Variants in VASH2 observed in about 807,000 individuals in gnomAD.
VASH2 encodes tubulinyl-Tyr carboxypeptidase 2.
In VASH2, 28 loss-of-function variants were observed where a neutral mutation model predicts 37.2. The observed-to-expected ratio is 0.75, with a 90% CI of 0.56 to 1.03. VASH2 has a LOEUF of 1.03. Ranked by LOEUF, VASH2 falls within the 50% of genes least tolerant of loss-of-function variation. The pLI, the probability that VASH2 is intolerant of heterozygous loss-of-function variation, is 0.00. For synonymous variants in VASH2, 188 were observed against 174.7 expected (o/e 1.08, Z -0.60); for missense variants, 419 against 459.1 (o/e 0.91, Z 0.80).
chr1:212,968,683 G>A, intron 5 of VASH2: 2 of 985,606 alleles, frequency 2.0e-6, no homozygotes, highest in Non-Finnish European at 2.4e-6. Flanking sequence ...TGGGGGTCGG[G>A]GCAGCAGATG....
chr1:212,967,435 G>A (rs1666885124), intron 5 of VASH2: 2 of 1,177,906 alleles, frequency 1.7e-6, no homozygotes, highest in African/African-American at 3.2e-5. Flanking sequence ...TGGCTGTAAG[G>A]GACAGTGGAA....
At chr1:212,981,555 A>G (rs1667339581) in intron 7 of VASH2, among the ~76,000 whole-genome samples, 1 of 152,158 alleles carries the variant, frequency 6.6e-6, no homozygotes, top group Non-Finnish European at 1.5e-5. Flanking sequence ...GGCCAAGAGC[A>G]CCCCTGGTTT....
chr1:212,973,306 T>C (rs1667067449), intron 6 of VASH2: 1 of 1,124,722 alleles, frequency 8.9e-7, no homozygotes, highest in Non-Finnish European at 1.2e-6. Context: ...ATTTTCAGTA[T>C]TAAAACCTGG....
intron 5 of VASH2, chr1:212,967,137 T>C: frequency 7.7e-7 from 1 of 1,304,542 alleles, no homozygotes; most frequent in Non-Finnish European, 1.0e-6. Context: ...AACAAGGGTC[T>C]AGCTTCTCCC....
In VASH2 at chr1:212,971,720, A is replaced by C; in HGVS notation, c.498-860A>C. ...CGTGATTAAACCGAGAGCAGAGGACAAGGCTGCCGCCAGTGCTGTGGATGG... is the reference window on the plus strand; with the variant it reads ...CGTGATTAAACCGAGAGCAGAGGACCAGGCTGCCGCCAGTGCTGTGGATGG... On this transcript the variant is annotated intron_variant, in intron 5 of 7. Coordinates refer to ENST00000517399, the MANE Select transcript of VASH2 (RefSeq NM_001301056.2). The surrounding 1 kb of genome is among the most constrained non-coding windows in gnomAD (Gnocchi z 4.0). 6.6e-6 allele frequency among the ~76,000 whole-genome samples: 1 copy of C among 152,126 alleles called. No individual in the cohort carries two copies. The highest frequency in any genetic ancestry group is 1.5e-5 in the Non-Finnish European group (1 of 68,008).
intron 7 of VASH2, among the ~76,000 whole-genome samples, chr1:212,986,726 C>T (rs903524251): frequency 7.7e-6 from 1 of 129,574 alleles, no homozygotes; most frequent in African/African-American, 2.8e-5. Flanking sequence ...AAGCCTTGAG[C>T]TCTGATACAA....
intron 7 of VASH2, among the ~76,000 whole-genome samples, chr1:212,986,402 C>T (rs1481598131): frequency 1.3e-5 from 2 of 152,180 alleles, no homozygotes; most frequent in East Asian, 3.8e-4. Context: ...AAAGATGACA[C>T]CACCTCAGGC....
chr1:212,985,596 T>A (rs1667456392), intron 7 of VASH2, among the ~76,000 whole-genome samples: 1 of 151,876 alleles, frequency 6.6e-6, no homozygotes. Context: ...TTTGTGTTTT[T>A]AGTAGAGACA....
intron 5 of VASH2, among the ~76,000 whole-genome samples, chr1:212,970,796 G>A (rs918802951): frequency 2.6e-5 from 4 of 151,872 alleles, no homozygotes; most frequent in Non-Finnish European, 5.9e-5. Flanking sequence ...AGGCTGAGGC[G>A]GGAGAATCGC....
chr1:212,956,463 G>C lies in VASH2; in HGVS notation c.276+4645G>C, dbSNP rs929917752. The stretch of plus-strand genomic sequence containing the variant: ...TGGCCACGGCTGTGGGGCTAACGTA[G>C]GCAGCAGGTGGTGAGACCGTTGAGG... On this transcript the variant is annotated intron_variant, in intron 2 of 7. Coordinates refer to ENST00000517399, the MANE Select transcript of VASH2 (RefSeq NM_001301056.2). 8.3e-4 allele frequency among the ~76,000 whole-genome samples: 127 copies of C among 152,348 alleles called. 1 individual carries two copies. Among genetic ancestry groups the C allele is most frequent in the African/African-American group, 3.0e-3 (125 of 41,582 alleles).
chr1:212,972,990 G>A lies in VASH2; in HGVS notation c.879+29G>A, dbSNP rs751995600. 1.9e-6 allele frequency: 3 copies of A among 1,594,868 alleles called. No individual in the cohort carries two copies. In the African/African-American group the frequency reaches 4.0e-5, roughly 22 times the overall value. The stretch of plus-strand genomic sequence containing the variant: ...GGTGCTGGGAAGACAAGGAAGCCAT[G>A]CAGGAGAGCTCTTTTCCCATTCCTT... On this transcript the variant is annotated intron_variant, in intron 6 of 7. Coordinates refer to ENST00000517399, the MANE Select transcript of VASH2 (RefSeq NM_001301056.2).
intron 2 of VASH2, among the ~76,000 whole-genome samples, chr1:212,959,024 C>T (rs1007038534): frequency 1.2e-4 from 18 of 152,164 alleles, no homozygotes; most frequent in Non-Finnish European, 2.1e-4. Flanking sequence ...CCACTGCGCC[C>T]GACCTGCGTA....
intron 7 of VASH2, among the ~76,000 whole-genome samples, chr1:212,987,124 G>C (rs1318789057): frequency 6.6e-6 from 1 of 152,170 alleles, no homozygotes; most frequent in African/African-American, 2.4e-5. Context: ...CTAGAAGCTA[G>C]CTGTTGATTT....
At chr1:212,961,364 G>A (rs750073272) in intron 3 of VASH2, 110 bp downstream of exon 3, 115 of 1,578,140 alleles carry the variant, frequency 7.3e-5, no homozygotes, top group Non-Finnish European at 9.2e-5. Flanking sequence ...CTCTAAGGTT[G>A]GTGAGGCCAG....
intron 7 of VASH2, among the ~76,000 whole-genome samples, 166 bp downstream of exon 7, chr1:212,974,236 C>T (rs1217099821): frequency 6.6e-6 from 1 of 152,192 alleles, no homozygotes; most frequent in Non-Finnish European, 1.5e-5. Context: ...AAAGGATCCA[C>T]TGGGCACATC....
At chr1:212,954,331 T>G (rs1373007465) in intron 2 of VASH2, among the ~76,000 whole-genome samples, 1 of 152,246 alleles carries the variant, frequency 6.6e-6, no homozygotes, top group African/African-American at 2.4e-5. Flanking sequence ...TTCTAAATCA[T>G]GTCTGAGCAG....
intron 2 of VASH2, among the ~76,000 whole-genome samples, chr1:212,955,693 C>A (rs1035354354): frequency 2.0e-5 from 3 of 152,298 alleles, no homozygotes; most frequent in Admixed American, 6.5e-5. Context: ...GCCTTATTCT[C>A]GAGTTGATTC....
intron 2 of VASH2, among the ~76,000 whole-genome samples, chr1:212,955,037 G>A (rs1007967799): frequency 5.3e-5 from 8 of 152,164 alleles, no homozygotes; most frequent in Non-Finnish European, 1.0e-4. Context: ...GGTTGTTTCT[G>A]TGCTCAGCAT....
At chr1:212,969,118 C>A in intron 5 of VASH2, 1 of 985,306 alleles carries the variant, frequency 1.0e-6, no homozygotes, top group Non-Finnish European at 1.2e-6. Flanking sequence ...AGGTGGAGAG[C>A]TTCAGTTCAC....
Sources: gnomAD v4.1 joint callset for allele counts (sites outside exome capture counted in the v4.1 genomes callset) on GRCh38, gnomAD v4.1.1 for gene constraint, Gnocchi (gnomAD v3.1) non-coding constraint, MANE v1.5 for transcripts, NCBI Gene and HGNC (gene_info 2026-07-23, HGNC 2026-07-21) for gene names.